The following SUPT3H variants were observed in gnomAD, a reference collection of about 807,000 sequenced individuals.
SUPT3H encodes the protein transcription initiation protein SPT3 homolog.
A neutral mutation model predicts 44.3 loss-of-function variants in SUPT3H; 44 were observed. That is an observed-to-expected ratio of 0.99 (90% CI 0.78 to 1.28). The LOEUF (loss-of-function observed/expected upper bound fraction) is 1.28. SUPT3H is among the 50% of genes most tolerant of loss of function. SUPT3H has a pLI of 0.00. For missense variants in SUPT3H, 380 were observed against 387.1 expected, an observed-to-expected ratio of 0.98 and a Z score of 0.15; for synonymous variants, 124 against 125.6, an observed-to-expected ratio of 0.99 and a Z score of 0.09.
chr6:45,155,281 G>A (rs1443265633), intron 2 of SUPT3H, among the ~76,000 whole-genome samples: 6 of 152,122 alleles, frequency 3.9e-5, no homozygotes, highest in African/African-American at 1.4e-4. Context: ...GATGTCAAGA[G>A]GCAAGGAAAG....
intron 2 of SUPT3H, among the ~76,000 whole-genome samples, chr6:45,324,552 C>G (rs534402100): frequency 6.6e-6 from 1 of 150,844 alleles, no homozygotes; most frequent in African/African-American, 2.4e-5. Context: ...CCCAAAAAAG[C>G]CTGAAGGAGA....
intron 6 of SUPT3H, among the ~76,000 whole-genome samples, chr6:44,970,446 T>C (rs1359193817): frequency 6.6e-6 from 1 of 152,184 alleles, no homozygotes; most frequent in Non-Finnish European, 1.5e-5. Context: ...AAATTGTAAA[T>C]ATGCTCTGGA....
intron 2 of SUPT3H, among the ~76,000 whole-genome samples, chr6:45,167,102 C>G (rs1475834267): frequency 6.6e-6 from 1 of 152,144 alleles, no homozygotes; most frequent in African/African-American, 2.4e-5. Flanking sequence ...ACATTAAGAT[C>G]TCTGAAAAGA....
At chr6:45,067,603 A>C (rs988613854) in intron 3 of SUPT3H, among the ~76,000 whole-genome samples, 6 of 151,704 alleles carry the variant, frequency 4.0e-5, no homozygotes, top group Non-Finnish European at 7.4e-5. Context: ...CAATGAACTC[A>C]AACAAATTTA....
At chr6:45,179,501 C>G (rs189638075) in intron 2 of SUPT3H, among the ~76,000 whole-genome samples, 71 of 152,282 alleles carry the variant, frequency 4.7e-4, no homozygotes, top group Admixed American at 1.3e-3. Flanking sequence ...CAAACCAAAT[C>G]CAGCAGCACA....
At chr6:45,057,540 G>A (rs184303443) in intron 3 of SUPT3H, among the ~76,000 whole-genome samples, 1 of 152,222 alleles carries the variant, frequency 6.6e-6, no homozygotes, top group African/African-American at 2.4e-5. Flanking sequence ...CTGACAAAGT[G>A]AAATGCTAAA....
At chr6:45,111,095 C>T (rs958486770) in intron 2 of SUPT3H, among the ~76,000 whole-genome samples, 2 of 149,930 alleles carry the variant, frequency 1.3e-5, no homozygotes, top group Non-Finnish European at 3.0e-5. Flanking sequence ...TGCAGTGGCG[C>T]GACCTTCGCT....
chr6:44,904,907 C>T (rs1227484258), intron 10 of SUPT3H, among the ~76,000 whole-genome samples: 1 of 152,088 alleles, frequency 6.6e-6, no homozygotes, highest in African/African-American at 2.4e-5. Flanking sequence ...CTGACAAAAA[C>T]AAGAAATGGG....
chr6:44,872,499 T>C (rs372949860), intron 10 of SUPT3H, among the ~76,000 whole-genome samples: 17 of 151,272 alleles, frequency 1.1e-4, no homozygotes, highest in Non-Finnish European at 2.1e-4. Context: ...CTGAAGGAAG[T>C]GCTAAACATG....
intron 2 of SUPT3H, among the ~76,000 whole-genome samples, chr6:45,122,359 C>T (rs1284994): frequency 0.029 from 4,472 of 152,232 alleles, 91 homozygotes; most frequent in Non-Finnish European, 0.047. Flanking sequence ...ATCACACATA[C>T]TTTATATAGT....
chr6:45,326,637 C>CT (rs1786391987), intron 2 of SUPT3H, among the ~76,000 whole-genome samples: 1 of 151,828 alleles, frequency 6.6e-6, no homozygotes, highest in African/African-American at 2.4e-5. Flanking sequence ...AAATAAAGGA[C>CT]TAGAATCATT....
At chr6:45,168,997 T>C (rs1288547763) in intron 2 of SUPT3H, among the ~76,000 whole-genome samples, 7 of 152,216 alleles carry the variant, frequency 4.6e-5, no homozygotes, top group Non-Finnish European at 1.0e-4. Context: ...TGTTGAACTT[T>C]GAATGAATGA....
At chr6:44,983,882 T>C (rs1224258543) in intron 6 of SUPT3H, among the ~76,000 whole-genome samples, 1 of 152,210 alleles carries the variant, frequency 6.6e-6, no homozygotes, top group Non-Finnish European at 1.5e-5. Flanking sequence ...ACTTTTTCAT[T>C]AGGCATTTTC....
chr6:45,328,592 T>C (rs1392878452), intron 2 of SUPT3H: 2 of 1,590,172 alleles, frequency 1.3e-6, no homozygotes, highest in Non-Finnish European at 1.7e-6. Context: ...AAAAAATAAA[T>C]ATAAAGTCTA....
At chr6:45,084,175 C>T (rs1218543197) in intron 3 of SUPT3H, among the ~76,000 whole-genome samples, 1 of 152,048 alleles carries the variant, frequency 6.6e-6, no homozygotes, top group African/African-American at 2.4e-5. Flanking sequence ...TTCTGCACAG[C>T]AAAAGAAACT....
At chr6:45,133,868 A>ACTTC (rs1803866582) in intron 2 of SUPT3H, among the ~76,000 whole-genome samples, 1 of 152,210 alleles carries the variant, frequency 6.6e-6, no homozygotes, top group Non-Finnish European at 1.5e-5. Flanking sequence ...CGCCTGAAGT[A>ACTTC]GTGAGCCTTC....
intron 3 of SUPT3H, 68 bp downstream of exon 3, chr6:45,105,854 T>G (rs1362812128): frequency 2.5e-6 from 3 of 1,217,496 alleles, no homozygotes; most frequent in Non-Finnish European, 3.6e-6. Context: ...GTTTTTAAAG[T>G]GTTGGGTTAC....
At position 44,909,760 on chromosome 6, in the gene SUPT3H, G is replaced by A. The variant is rs183110465; in HGVS notation, c.912+22893C>T. ...CTCTGACACCTAGCTCAGGCCCAGG[G>A]CTCTTCCCATTATACCAAAGGCTGA... On this transcript the variant is annotated intron_variant, in intron 10 of 10. Coordinates refer to ENST00000371459, the MANE Select transcript of SUPT3H (RefSeq NM_003599.4). Among the ~76,000 whole-genome samples the A allele has an allele frequency of 7.9e-5, 12 of 152,190 alleles. No individual in the cohort carries two copies. The East Asian group carries it at 2.3e-3, about 29-fold the overall frequency.
In SUPT3H at chr6:44,828,404, G is replaced by A. The variant is rs1768022951; in HGVS notation, c.*1412C>T. 6.6e-6 allele frequency among the ~76,000 whole-genome samples: 1 copy of A among 152,200 alleles called. No individual in the cohort carries two copies. The highest frequency in any genetic ancestry group is 3.4e-3 in the Middle Eastern group (1 of 294). On this transcript the variant is annotated 3_prime_UTR_variant, in exon 11 of 11. Coordinates refer to ENST00000371459, the MANE Select transcript of SUPT3H (RefSeq NM_003599.4). ...TTCTAAAAAGATTAACATAGAGCAG[G>A]TAAATGACAGTTAACAAATGTAAAT... is the stretch of plus-strand genomic sequence containing the variant.
Sources: allele counts gnomAD v4.1 joint callset (sites outside exome capture counted in the v4.1 genomes callset), GRCh38; gene constraint gnomAD v4.1.1; transcripts MANE v1.5; gene names NCBI Gene and HGNC (gene_info 2026-07-23, HGNC 2026-07-21).